ARID2: variants seen among roughly 807,000 people sequenced by gnomAD.
ARID2 encodes the protein AT-rich interactive domain-containing protein 2.
ARID2 carries 32 observed loss-of-function variants against 184.6 expected under a neutral mutation model. The observed-to-expected ratio is 0.17, with a 90% CI of 0.13 to 0.23. The LOEUF (loss-of-function observed/expected upper bound fraction) is 0.23, where lower values mean the gene tolerates loss of function less well. Ranked by LOEUF, ARID2 falls within the 10% of genes least tolerant of loss-of-function variation. ARID2 has a pLI of 1.00. For synonymous variants in ARID2, 836 were observed against 772.6 expected (o/e 1.08, Z -1.36); for missense variants, 1,696 against 2,197.6 (o/e 0.77, Z 4.56).
At chr12:45,841,757 AAACTCTTT>A (rs1395110888) in intron 11 of ARID2, 1 of 152,176 alleles carries the variant, frequency 6.6e-6, no homozygotes, top group Non-Finnish European at 1.5e-5. Flanking sequence ...TAAAATACAC[AAACTCTTT>A]AACATCAGAA....
At position 45,905,276 on chromosome 12, in the gene ARID2, G is replaced by GA; in HGVS notation, c.*203dup. ...TTCTCTGTTTAAAAAAATCTAAAAA[G>GA]AAAAAGGAAAAAAAAAAAAGAACTG... On this transcript the variant is annotated 3_prime_UTR_variant, in exon 21 of 21. Coordinates refer to ENST00000334344, the MANE Select transcript of ARID2 (RefSeq NM_152641.4). The GA allele has an allele frequency of 2.6e-6, 1 of 391,112 alleles. No homozygotes were observed. Among genetic ancestry groups the GA allele is most frequent in the Non-Finnish European group, 4.2e-6 (1 of 236,252 alleles). The allele number at this position is 391,112 out of a possible 1,614,324, so 24.2% of individuals were successfully genotyped here.
At chr12:45,805,927 C>T (rs1037264377) in intron 3 of ARID2, among the ~76,000 whole-genome samples, 1 of 152,140 alleles carries the variant, frequency 6.6e-6, no homozygotes, top group Non-Finnish European at 1.5e-5. Context: ...ACCACTTTCC[C>T]CCTTGGTAAT....
In ARID2 at chr12:45,885,775, G is replaced by A. The variant is rs116817932; in HGVS notation, c.4923-6005G>A. Reference sequence around the variant, plus strand: ...AGAAGTGCTGAGCAAACAGGGATAAGCCCTTTATAAAACCATCAGATCTCA... The same window carrying A: ...AGAAGTGCTGAGCAAACAGGGATAAACCCTTTATAAAACCATCAGATCTCA... On this transcript the variant is annotated intron_variant, in intron 16 of 20. Coordinates refer to ENST00000334344, the MANE Select transcript of ARID2 (RefSeq NM_152641.4). Among the ~76,000 whole-genome samples the A allele has an allele frequency of 9.0e-3, 1,376 of 152,220 alleles. 26 individuals carry two copies. Among genetic ancestry groups the A allele is most frequent in the African/African-American group, 0.032 (1,327 of 41,534 alleles).
intron 16 of ARID2, among the ~76,000 whole-genome samples, chr12:45,872,085 A>T (rs146543989): frequency 2.7e-4 from 40 of 150,264 alleles, no homozygotes; most frequent in African/African-American, 8.8e-4. Context: ...GTTTTGTTAA[A>T]TTTTTTTCTT....
intron 6 of ARID2, among the ~76,000 whole-genome samples, chr12:45,823,205 C>T (rs1193503615): frequency 6.6e-6 from 1 of 151,956 alleles, no homozygotes; most frequent in African/African-American, 2.4e-5. Flanking sequence ...AGAAAATTAA[C>T]GTGCTCCTGA....
At chr12:45,811,153 G>A (rs1942698506) in intron 3 of ARID2, among the ~76,000 whole-genome samples, 1 of 150,910 alleles carries the variant, frequency 6.6e-6, no homozygotes, top group Non-Finnish European at 1.5e-5. Context: ...AGCTTGCAGT[G>A]AGCTGAGATC....
Position 45,905,499 on chromosome 12 carries a change from A to G in ARID2, c.*421A>G. On this transcript the variant is annotated 3_prime_UTR_variant, in exon 21 of 21. Transcript: ENST00000334344. ...AAGGAGCACATTTTTATATTTACAA[A>G]ACCGTTTAAGCTGGTTTGAATAATT... 1 of 233,878 alleles carries G rather than the reference A, an allele frequency of 4.3e-6. No homozygotes were observed. The highest frequency in any genetic ancestry group is 6.1e-5 in the East Asian group (1 of 16,498). 14.5% of individuals were successfully genotyped at this position (233,878 alleles called of 1,614,324 possible). A position where few individuals can be genotyped will look rare whatever the true frequency, so the allele number is the denominator to read the frequency against.
At chr12:45,899,261 A>G (rs1358827034) in intron 20 of ARID2, among the ~76,000 whole-genome samples, 1 of 112,744 alleles carries the variant, frequency 8.9e-6, no homozygotes. Flanking sequence ...AAAGAGCAAG[A>G]CTCTGTCTCA....
chr12:45,897,152 A>G (rs528585459), intron 20 of ARID2, among the ~76,000 whole-genome samples: 9 of 152,242 alleles, frequency 5.9e-5, no homozygotes, highest in East Asian at 1.9e-4. Flanking sequence ...ATGATTTTCC[A>G]TAAGTATGAC....
chr12:45,867,204 C>A (rs1943844323), intron 16 of ARID2, among the ~76,000 whole-genome samples: 1 of 151,922 alleles, frequency 6.6e-6, no homozygotes, highest in African/African-American at 2.4e-5. Flanking sequence ...CCACCTTGGC[C>A]TCCCAAAGTG....
intron 3 of ARID2, among the ~76,000 whole-genome samples, chr12:45,744,306 G>C (rs1311378552): frequency 5.3e-5 from 8 of 151,868 alleles, no homozygotes; most frequent in African/African-American, 1.9e-4. Context: ...TCATCTATCT[G>C]TTTATTTAAT....
At chr12:45,756,410 T>A (rs1941573391) in intron 3 of ARID2, among the ~76,000 whole-genome samples, 1 of 152,186 alleles carries the variant, frequency 6.6e-6, no homozygotes, top group African/African-American at 2.4e-5. Context: ...TTAAGCTGAT[T>A]TGATTTGGTT....
At chr12:45,865,491 A>G (rs1014167683) in intron 16 of ARID2, among the ~76,000 whole-genome samples, 1 of 152,042 alleles carries the variant, frequency 6.6e-6, no homozygotes, top group South Asian at 2.1e-4. Flanking sequence ...TTTTTGTCCT[A>G]GATGAAGGGT....
intron 3 of ARID2, among the ~76,000 whole-genome samples, chr12:45,736,281 C>T (rs1453841477): frequency 2.0e-5 from 3 of 151,336 alleles, no homozygotes; most frequent in African/African-American, 4.9e-5. Flanking sequence ...CACTTGAACT[C>T]GGGAGGCGGA....
chr12:45,837,395 G>A lies in ARID2; in HGVS notation c.1098G>A (p.Arg366=), dbSNP rs2138130646. 1 of 1,612,136 alleles carries A rather than the reference G, an allele frequency of 6.2e-7. No individual in the cohort carries two copies. The highest frequency in any genetic ancestry group is 1.7e-4 in the Middle Eastern group (1 of 6,040). ...CTGTTACAAAATGTCTAATGTCAAG[G>A]GATAGATTTTTAAAGATGAGAGGTG... is the stretch of plus-strand genomic sequence containing the variant. ...FHTVTKCLMS[R]DRFLKMRGME... Residue 366 remains arginine, a synonymous_variant, in exon 9 of 21, where the codon AGG becomes AGA. Transcript: ENST00000334344.
Position 45,860,928 on chromosome 12 carries a change from G to T in ARID2, c.4901G>T (p.Cys1634Phe). ...AGAAAACCTGGACAGAACTTCATGT[G>T]TCTGTGGCAGTCTTGTAAAAAGTAA... Reference protein sequence around the residue: ...PMRKPGQNFMCLWQSCKKWFQ... With the variant: ...PMRKPGQNFMFLWQSCKKWFQ... Residue 1634 changes from cysteine (C) to phenylalanine (F), a missense_variant, in exon 16 of 21, where the codon TGT (cysteine) becomes TTT (phenylalanine). Cys to Phe is a radical substitution (Grantham distance 205). Around this residue, in one of 11 missense-constraint regions of ARID2, gnomAD observed 111 missense variants for 154.0 expected, o/e 0.72. Coordinates refer to ENST00000334344, the MANE Select transcript of ARID2 (RefSeq NM_152641.4). The T allele has an allele frequency of 6.4e-7, 1 of 1,573,388 alleles. No homozygotes were observed. The highest frequency in any genetic ancestry group is 8.6e-7 in the Non-Finnish European group (1 of 1,162,890).
intron 16 of ARID2, among the ~76,000 whole-genome samples, chr12:45,889,763 C>T (rs559325188): frequency 6.6e-6 from 1 of 152,328 alleles, no homozygotes; most frequent in South Asian, 2.1e-4. Context: ...CATGGCGAAA[C>T]CCCGTCTTGC....
chr12:45,869,992 T>G (rs927436609), intron 16 of ARID2, among the ~76,000 whole-genome samples: 5 of 152,094 alleles, frequency 3.3e-5, no homozygotes, highest in Non-Finnish European at 5.9e-5. Flanking sequence ...AACCATTTTT[T>G]TTGTTGTTGT....
intron 20 of ARID2, among the ~76,000 whole-genome samples, chr12:45,904,552 G>A (rs1231991384): frequency 6.6e-6 from 1 of 152,026 alleles, no homozygotes; most frequent in Non-Finnish European, 1.5e-5. Flanking sequence ...TTAGCTGGGC[G>A]TGGTGGCACA....
Sources: gnomAD v4.1 joint callset for allele counts (sites outside exome capture counted in the v4.1 genomes callset) on GRCh38, gnomAD v4.1.1 for gene constraint, gnomAD v4.1.1 regional missense constraint, MANE v1.5 for transcripts, NCBI Gene and HGNC (gene_info 2026-07-23, HGNC 2026-07-21) for gene names.